Variants in TRIM44 observed in about 807,000 individuals in gnomAD.
The protein encoded by TRIM44 is tripartite motif-containing protein 44.
In TRIM44, 13 loss-of-function variants were observed where a neutral mutation model predicts 37.4. The observed-to-expected ratio is 0.35, with a 90% confidence interval of 0.23 to 0.55. The LOEUF (loss-of-function observed/expected upper bound fraction) is 0.55. Ranked by LOEUF, TRIM44 falls within the 20% of genes least tolerant of loss-of-function variation. The pLI is 0.89. For missense variants in TRIM44, 426 were observed against 437.2 expected (o/e 0.97, Z 0.23); for synonymous variants, 175 against 157.2 (o/e 1.11, Z -0.85).
At chr11:35,692,145 AT>A (rs143689031) in intron 2 of TRIM44, among the ~76,000 whole-genome samples, 41 of 148,826 alleles carry the variant, frequency 2.8e-4, no homozygotes, top group Admixed American at 7.4e-4. Flanking sequence ...AAAATCGCCC[AT>A]TTTTTTTTTA....
At chr11:35,676,712 T>C (rs1436721193) in intron 1 of TRIM44, among the ~76,000 whole-genome samples, 1 of 152,214 alleles carries the variant, frequency 6.6e-6, no homozygotes, top group Non-Finnish European at 1.5e-5. Context: ...AGGTTAAGTT[T>C]ATATAGGCAC....
chr11:35,683,768 A>G (rs1247076297), intron 1 of TRIM44, among the ~76,000 whole-genome samples: 1 of 151,934 alleles, frequency 6.6e-6, no homozygotes, highest in African/African-American at 2.4e-5. Context: ...TTATTATGGC[A>G]TTCATGTCTT....
At chr11:35,706,714 C>T (rs12575664) in intron 2 of TRIM44, among the ~76,000 whole-genome samples, 11 of 150,980 alleles carry the variant, frequency 7.3e-5, no homozygotes, top group East Asian at 1.9e-4. Flanking sequence ...ATTCAACAAC[C>T]CTTCATGCTA....
Position 35,815,928 on chromosome 11 carries a change from T to G in TRIM44, c.*9543T>G, listed in dbSNP as rs979414597. ...AGAAAAAGACAATTTTACAATGACT[T>G]ACTTCTAATAATCACTGAAACAGCC... On this transcript the variant is annotated 3_prime_UTR_variant, in exon 5 of 5. Transcript: ENST00000299413. The G allele has an allele frequency of 2.0e-5, 3 of 152,188 alleles. No homozygotes were observed. The highest frequency in any genetic ancestry group is 4.4e-5 in the Non-Finnish European group (3 of 68,030). The allele number at this position is 152,188 out of a possible 1,614,324, so 9.4% of individuals were successfully genotyped here.
At chr11:35,676,419 T>A (rs1405098638) in intron 1 of TRIM44, among the ~76,000 whole-genome samples, 2 of 152,110 alleles carry the variant, frequency 1.3e-5, no homozygotes, top group Non-Finnish European at 2.9e-5. Context: ...TCTAATCTGG[T>A]GGGTAGATAG....
chr11:35,670,149 TGCCATAG>T (rs1160365697), intron 1 of TRIM44, among the ~76,000 whole-genome samples: 2 of 152,208 alleles, frequency 1.3e-5, no homozygotes, highest in Non-Finnish European at 2.9e-5. Flanking sequence ...ACTCTGAGCA[TGCCATAG>T]GCTTTGCTTT....
intron 4 of TRIM44, among the ~76,000 whole-genome samples, chr11:35,798,440 A>T (rs926679845): frequency 1.1e-4 from 16 of 152,168 alleles, no homozygotes; most frequent in African/African-American, 3.9e-4. Flanking sequence ...CAAATATACC[A>T]TGCTAATGTA....
chr11:35,758,673 G>T (rs1246272142), intron 4 of TRIM44, among the ~76,000 whole-genome samples: 2 of 151,612 alleles, frequency 1.3e-5, no homozygotes, highest in Non-Finnish European at 2.9e-5. Context: ...CTTCCTTCAG[G>T]AGCTCTTTTA....
intron 4 of TRIM44, among the ~76,000 whole-genome samples, chr11:35,781,565 A>G (rs1853066135): frequency 6.6e-6 from 1 of 152,212 alleles, no homozygotes; most frequent in African/African-American, 2.4e-5. Flanking sequence ...CCCTAGTCAC[A>G]CAGATAGAAC....
intron 2 of TRIM44, among the ~76,000 whole-genome samples, chr11:35,700,217 CCT>C (rs1851767326): frequency 6.6e-6 from 1 of 152,140 alleles, no homozygotes; most frequent in South Asian, 2.1e-4. Context: ...TTAAGAAAAC[CCT>C]GTTTGTGCTT....
In TRIM44 at chr11:35,709,246, T is replaced by A. The variant is rs144467951; in HGVS notation, c.748-16678T>A. ...GTTACCTTTAGTAAGATTTTGTCAT[T>A]TTCTGTGAGACTTTGCTGCCTCCTG... On this transcript the variant is annotated intron_variant, in intron 2 of 4. Transcript: ENST00000299413. Among the ~76,000 whole-genome samples, 210 of 152,298 alleles carry A rather than the reference T, an allele frequency of 1.4e-3. 1 individual carries two copies. The highest frequency in any genetic ancestry group is 4.8e-3 in the African/African-American group (198 of 41,558).
At chr11:35,803,604 C>T (rs1853399166) in intron 4 of TRIM44, among the ~76,000 whole-genome samples, 1 of 152,018 alleles carries the variant, frequency 6.6e-6, no homozygotes, top group Non-Finnish European at 1.5e-5. Flanking sequence ...ACCTGTAATC[C>T]CAGCTACTCA....
intron 3 of TRIM44, among the ~76,000 whole-genome samples, chr11:35,729,698 T>C (rs944130802): frequency 6.6e-6 from 1 of 152,194 alleles, no homozygotes; most frequent in Admixed American, 6.5e-5. Flanking sequence ...AGAGGCTTTA[T>C]AAACTTAAGG....
intron 4 of TRIM44, among the ~76,000 whole-genome samples, chr11:35,758,849 G>A (rs547534883): frequency 6.6e-6 from 1 of 152,200 alleles, no homozygotes; most frequent in East Asian, 1.9e-4. Flanking sequence ...CTGGCTTGTA[G>A]AGTTTCTGCC....
intron 2 of TRIM44, among the ~76,000 whole-genome samples, chr11:35,692,047 A>G (rs1851642471): frequency 6.6e-6 from 1 of 152,184 alleles, no homozygotes; most frequent in Non-Finnish European, 1.5e-5. Context: ...AAGTAGAAAA[A>G]CCGTAAGTCA....
At chr11:35,671,285 C>T (rs1851390888) in intron 1 of TRIM44, among the ~76,000 whole-genome samples, 1 of 152,176 alleles carries the variant, frequency 6.6e-6, no homozygotes. Context: ...TATCCTTGCT[C>T]TACCATTTTT....
At chr11:35,796,728 G>T (rs992816562) in intron 4 of TRIM44, among the ~76,000 whole-genome samples, 2 of 152,178 alleles carry the variant, frequency 1.3e-5, no homozygotes, top group Non-Finnish European at 2.9e-5. Context: ...GCTGGGGAAG[G>T]CCAATGTAAA....
chr11:35,676,025 A>G (rs1009011814), intron 1 of TRIM44, among the ~76,000 whole-genome samples: 1 of 152,044 alleles, frequency 6.6e-6, no homozygotes, highest in Non-Finnish European at 1.5e-5. Flanking sequence ...GAAGGACCAA[A>G]CAGTCTTTGA....
Position 35,663,747 on chromosome 11 carries a change from C to G in TRIM44, c.636C>G (p.Leu212=), listed in dbSNP as rs745471279. 13 of 1,614,088 alleles carry G rather than the reference C, an allele frequency of 8.1e-6. No individual in the cohort carries two copies. In the East Asian group the frequency reaches 2.9e-4, roughly 36 times the overall value. ...TTGGGGCTCACCAGGGCCACCAACT[C>G]TCCACCCTAGACGAAGCCTTTGAAG... ...PVIGAHQGHQ[L]STLDEAFEEL... is the part of the protein sequence containing the mutation. The change falls in exon 1 of 5, where the codon CTC becomes CTG. Residue 212 remains leucine, a synonymous_variant. Transcript: ENST00000299413.
Sources: allele counts gnomAD v4.1 joint callset (sites outside exome capture counted in the v4.1 genomes callset), GRCh38; gene constraint gnomAD v4.1.1; transcripts MANE v1.5; gene names NCBI Gene and HGNC (gene_info 2026-07-23, HGNC 2026-07-21).